Variants in ZNF385B observed in about 807,000 individuals in gnomAD.
ZNF385B encodes zinc finger protein 533.
Under a neutral mutation model 39.2 loss-of-function variants are expected in ZNF385B, and 23 were observed. That is an observed-to-expected ratio of 0.59 (90% CI 0.42 to 0.83). The LOEUF (loss-of-function observed/expected upper bound fraction) is 0.83, where lower values mean the gene tolerates loss of function less well. Ranked by LOEUF, ZNF385B falls within the 40% of genes least tolerant of loss-of-function variation. The pLI, the probability that ZNF385B is intolerant of heterozygous loss-of-function variation, is 0.00. For missense variants in ZNF385B, 552 were observed against 598.9 expected (o/e 0.92, Z 0.82); for synonymous variants, 205 against 222.6 (o/e 0.92, Z 0.70).
chr2:179,575,051 G>C (rs545811633), intron 3 of ZNF385B, among the ~76,000 whole-genome samples: 1 of 152,088 alleles, frequency 6.6e-6, no homozygotes, highest in African/African-American at 2.4e-5. Flanking sequence ...TCTCTGGATG[G>C]TCTGCTTGCC....
At chr2:179,762,961 A>G (rs1361591402) in intron 3 of ZNF385B, among the ~76,000 whole-genome samples, 1 of 152,150 alleles carries the variant, frequency 6.6e-6, no homozygotes, top group Non-Finnish European at 1.5e-5. Context: ...CTGGAGTGCA[A>G]TGGCACAATC....
intron 1 of ZNF385B, among the ~76,000 whole-genome samples, chr2:179,816,061 T>C (rs1410082483): frequency 2.0e-5 from 3 of 151,960 alleles, no homozygotes; most frequent in African/African-American, 7.3e-5. Context: ...TCAGACTCAG[T>C]CAGAACTGCC....
Position 179,805,732 on chromosome 2 carries a change from T to A in ZNF385B, c.-154-35060A>T, listed in dbSNP as rs143146524. Among the ~76,000 whole-genome samples the A allele has an allele frequency of 4.7e-4, 72 of 152,294 alleles. 1 individual carries two copies. Among genetic ancestry groups the A allele is most frequent in the African/African-American group, 1.6e-3 (66 of 41,558 alleles). On this transcript the variant is annotated intron_variant, in intron 1 of 9. Coordinates refer to ENST00000410066, the MANE Select transcript of ZNF385B (RefSeq NM_152520.6). ...AAAAAACATAGAATGGTGCCTGGCA[T>A]TCAGTAAGACCTATATAATGGTTAG... is the stretch of plus-strand genomic sequence containing the variant.
At chr2:179,610,008 G>A (rs1360162635) in intron 3 of ZNF385B, among the ~76,000 whole-genome samples, 1 of 152,032 alleles carries the variant, frequency 6.6e-6, no homozygotes, top group Non-Finnish European at 1.5e-5. Flanking sequence ...CCATTTTGTG[G>A]GTAATCTCCT....
At chr2:179,509,958 G>A (rs1002424453) in intron 5 of ZNF385B, among the ~76,000 whole-genome samples, 13 of 152,248 alleles carry the variant, frequency 8.5e-5, no homozygotes, top group African/African-American at 3.1e-4. Context: ...ACTTTTCTGT[G>A]AGGGTCAACT....
intron 3 of ZNF385B, among the ~76,000 whole-genome samples, chr2:179,676,225 A>G (rs1265407435): frequency 2.0e-5 from 3 of 146,828 alleles, no homozygotes; most frequent in African/African-American, 2.5e-5. Context: ...AGTAGCTGGG[A>G]CTACAGGCGC....
chr2:179,752,320 A>T lies in ZNF385B; in HGVS notation c.298+17183T>A, dbSNP rs545277146. On this transcript the variant is annotated intron_variant, in intron 3 of 9. Coordinates refer to ENST00000410066, the MANE Select transcript of ZNF385B (RefSeq NM_152520.6). ...TGGTGTATATATGCCACATTTTCTT[A>T]ATCCAGTCTATCATTGATGGACATT... 3.0e-4 allele frequency among the ~76,000 whole-genome samples: 46 copies of T among 152,288 alleles called. 1 individual carries two copies. The South Asian group carries it at 9.5e-3, about 32-fold the overall frequency.
intron 3 of ZNF385B, among the ~76,000 whole-genome samples, chr2:179,763,659 G>C (rs1237040787): frequency 6.6e-6 from 1 of 152,138 alleles, no homozygotes; most frequent in East Asian, 1.9e-4. Flanking sequence ...GCTCAGCACT[G>C]CTTTAGCTTC....
chr2:179,696,326 C>CTTGT (rs1698743638), intron 3 of ZNF385B, among the ~76,000 whole-genome samples: 1 of 40,354 alleles, frequency 2.5e-5, no homozygotes, highest in Non-Finnish European at 4.1e-5. Context: ...CAAACTGGGA[C>CTTGT]TTTTTTTTTT....
At chr2:179,530,456 T>G (rs770774768) in intron 4 of ZNF385B, among the ~76,000 whole-genome samples, 7 of 152,124 alleles carry the variant, frequency 4.6e-5, no homozygotes, top group Admixed American at 2.0e-4. Context: ...TCTAAGAGAC[T>G]AGAGGAATAA....
At chr2:179,505,810 C>A (rs2057200999) in intron 5 of ZNF385B, among the ~76,000 whole-genome samples, 1 of 151,988 alleles carries the variant, frequency 6.6e-6, no homozygotes, top group Non-Finnish European at 1.5e-5. Flanking sequence ...ATAGGGTTTG[C>A]ATTTGTTTAA....
At chr2:179,851,134 T>C (rs1684112310) in intron 1 of ZNF385B, among the ~76,000 whole-genome samples, 1 of 152,190 alleles carries the variant, frequency 6.6e-6, no homozygotes, top group East Asian at 1.9e-4. Context: ...TCAGTTACCA[T>C]TGAGCCCTTC....
intron 5 of ZNF385B, among the ~76,000 whole-genome samples, chr2:179,505,348 T>C (rs2105749675): frequency 6.6e-6 from 1 of 152,170 alleles, no homozygotes; most frequent in East Asian, 1.9e-4. Flanking sequence ...TTTAGCAGTG[T>C]ATATAGGACA....
chr2:179,554,518 G>A (rs1221575470), intron 3 of ZNF385B, among the ~76,000 whole-genome samples: 2 of 148,758 alleles, frequency 1.3e-5, no homozygotes, highest in Non-Finnish European at 3.0e-5. Context: ...AGGTAAAACC[G>A]AAAATAGAAA....
chr2:179,484,753 T>C (rs2054382912), intron 5 of ZNF385B, among the ~76,000 whole-genome samples: 1 of 152,050 alleles, frequency 6.6e-6, no homozygotes, highest in Non-Finnish European at 1.5e-5. Flanking sequence ...CTATGGGAGA[T>C]ACAGGACAAC....
chr2:179,635,095 T>C (rs1179050018), intron 3 of ZNF385B, among the ~76,000 whole-genome samples: 1 of 150,918 alleles, frequency 6.6e-6, no homozygotes, highest in African/African-American at 2.4e-5. Flanking sequence ...TGAGCTGAGA[T>C]TGCGCCACTG....
intron 3 of ZNF385B, among the ~76,000 whole-genome samples, chr2:179,687,767 C>T (rs770359332): frequency 6.6e-5 from 10 of 152,106 alleles, no homozygotes; most frequent in Non-Finnish European, 1.0e-4. Context: ...TATCTTCATG[C>T]ATAAAATAGT....
intron 3 of ZNF385B, among the ~76,000 whole-genome samples, chr2:179,764,045 G>T (rs1703551090): frequency 6.6e-6 from 1 of 152,096 alleles, no homozygotes; most frequent in Non-Finnish European, 1.5e-5. Flanking sequence ...CCTATCAGTT[G>T]CTGAGAGTAG....
At position 179,808,843 on chromosome 2, in the gene ZNF385B, AT is replaced by A. The variant is rs770885912; in HGVS notation, c.-154-38172del. 6.7e-4 allele frequency among the ~76,000 whole-genome samples: 102 copies of A among 152,348 alleles called. 1 individual carries two copies. The highest frequency in any genetic ancestry group is 6.8e-3 in the Middle Eastern group (2 of 294). ...TTTGCAAAAAAACAACAAAACACAT[AT>A]TATGATTAACAGGAAAATAAAGTCA... On this transcript the variant is annotated intron_variant, in intron 1 of 9. Coordinates refer to ENST00000410066, the MANE Select transcript of ZNF385B (RefSeq NM_152520.6).
Sources: allele counts gnomAD v4.1 joint callset (sites outside exome capture counted in the v4.1 genomes callset), GRCh38; gene constraint gnomAD v4.1.1; transcripts MANE v1.5; gene names NCBI Gene and HGNC (gene_info 2026-07-23, HGNC 2026-07-21).